The following TCF7L2 variants were observed in gnomAD, a reference collection of about 807,000 sequenced individuals.
TCF7L2 encodes the protein transcription factor 7 like 2, also known as transcription factor 7-like 2.
In TCF7L2, 23 loss-of-function variants were observed where a neutral mutation model predicts 77.9. The observed-to-expected ratio is 0.30, with a 90% confidence interval of 0.21 to 0.42. The LOEUF (loss-of-function observed/expected upper bound fraction) is 0.42, where lower values mean the gene tolerates loss of function less well. Among genes scored for constraint, TCF7L2 ranks in the 10% least tolerant of loss-of-function variants. The pLI, the probability that TCF7L2 is intolerant of heterozygous loss-of-function variation, is 1.00. For missense variants in TCF7L2, 654 were observed against 793.1 expected, an observed-to-expected ratio of 0.82 and a Z score of 2.11; for synonymous variants, 413 against 340.2, an observed-to-expected ratio of 1.21 and a Z score of -2.36.
intron 5 of TCF7L2, among the ~76,000 whole-genome samples, chr10:113,070,059 C>T (rs555852107): frequency 1.6e-4 from 24 of 151,878 alleles, no homozygotes; most frequent in Middle Eastern, 3.4e-3. Flanking sequence ...AGATCAAGAC[C>T]AGCCTGGCCA....
chr10:113,113,540 G>C (rs922049245), intron 5 of TCF7L2, among the ~76,000 whole-genome samples: 1 of 152,150 alleles, frequency 6.6e-6, no homozygotes, highest in Admixed American at 6.5e-5. Context: ...CCTTCACCTA[G>C]AAGGAGATGT....
At chr10:113,155,755 C>T (rs184561360) in intron 11 of TCF7L2, among the ~76,000 whole-genome samples, 42 of 152,292 alleles carry the variant, frequency 2.8e-4, no homozygotes, top group African/African-American at 1.0e-3. Flanking sequence ...CTAAATGAAC[C>T]GAAACTAGGC....
At chr10:113,062,649 T>G (rs1220229004) in intron 5 of TCF7L2, among the ~76,000 whole-genome samples, 1 of 152,162 alleles carries the variant, frequency 6.6e-6, no homozygotes, top group African/African-American at 2.4e-5. Flanking sequence ...AGTTTAGTCT[T>G]TCTAGGCCAG....
rs1216878382 is a variant in TCF7L2 at position 113,165,882 on chromosome 10, A to T, written c.1719A>T (p.Ala573=). ...CTGCCGCCCCCTCCTCATCAATTGC[A>T]CAGCCGTCGACTTCTTCCTTACATT... Residue 573 remains alanine, a synonymous_variant, in exon 14 of 14, where the codon GCA becomes GCT. Coordinates refer to ENST00000627217, the MANE Select transcript of TCF7L2 (RefSeq NM_001146274.2). The T allele has an allele frequency of 6.2e-7, 1 of 1,602,630 alleles. No homozygotes were observed. The highest frequency in any genetic ancestry group is 8.5e-7 in the Non-Finnish European group (1 of 1,173,974).
intron 7 of TCF7L2, among the ~76,000 whole-genome samples, chr10:113,145,758 G>A (rs146147584): frequency 1.3e-5 from 2 of 152,194 alleles, no homozygotes; most frequent in Admixed American, 1.3e-4. Flanking sequence ...CCTAGTTTCA[G>A]CTTGGGGAGA....
At chr10:113,144,921 T>A (rs184599408) in intron 7 of TCF7L2, among the ~76,000 whole-genome samples, 52 of 152,326 alleles carry the variant, frequency 3.4e-4, no homozygotes, top group Admixed American at 9.8e-4. Flanking sequence ...GTGGATGTAT[T>A]TCTCCTTACC....
intron 3 of TCF7L2, among the ~76,000 whole-genome samples, chr10:112,954,813 C>T (rs1329126979): frequency 2.6e-5 from 4 of 152,168 alleles, no homozygotes. Flanking sequence ...CTTGCATCTT[C>T]TCTTATCCAA....
chr10:112,983,975 T>C (rs1267952971), intron 4 of TCF7L2, among the ~76,000 whole-genome samples: 1 of 152,234 alleles, frequency 6.6e-6, no homozygotes, highest in Non-Finnish European at 1.5e-5. Context: ...AAGACATAAC[T>C]TCGATTCTCC....
chr10:113,101,773 G>A (rs965727264), intron 5 of TCF7L2, among the ~76,000 whole-genome samples: 6 of 143,722 alleles, frequency 4.2e-5, no homozygotes, highest in Admixed American at 1.5e-4. Context: ...AACCCAGGAC[G>A]GGGAGCTTGC....
intron 5 of TCF7L2, among the ~76,000 whole-genome samples, chr10:113,063,682 C>T (rs921691371): frequency 6.6e-6 from 1 of 152,148 alleles, no homozygotes; most frequent in Admixed American, 6.5e-5. Context: ...TCTGTTGAAA[C>T]CCCCACACCC....
At chr10:112,968,831 G>A (rs2037598703) in intron 4 of TCF7L2, among the ~76,000 whole-genome samples, 1 of 152,054 alleles carries the variant, frequency 6.6e-6, no homozygotes, top group South Asian at 2.1e-4. Flanking sequence ...CGGCCATTTG[G>A]CCTCCCAAAG....
At chr10:113,009,003 G>A (rs928590990) in intron 4 of TCF7L2, among the ~76,000 whole-genome samples, 13 of 152,062 alleles carry the variant, frequency 8.5e-5, no homozygotes, top group African/African-American at 2.7e-4. Context: ...GCACAGTGGC[G>A]CAATCCACTG....
At chr10:112,957,502 G>A (rs1589653992) in intron 3 of TCF7L2, among the ~76,000 whole-genome samples, 1 of 152,082 alleles carries the variant, frequency 6.6e-6, no homozygotes, top group African/African-American at 2.4e-5. Flanking sequence ...ATCTGCGGGA[G>A]GAGGCACAGA....
intron 3 of TCF7L2, among the ~76,000 whole-genome samples, chr10:112,960,148 A>G (rs535794473): frequency 2.0e-5 from 3 of 152,324 alleles, no homozygotes; most frequent in East Asian, 3.9e-4. Context: ...GAGGATTTCA[A>G]TTGTTTTAAT....
chr10:112,975,293 C>T (rs1325866179), intron 4 of TCF7L2, among the ~76,000 whole-genome samples: 6 of 151,970 alleles, frequency 3.9e-5, no homozygotes, highest in Admixed American at 2.6e-4. Context: ...TACCACATTC[C>T]ACCCAGATTG....
chr10:113,080,504 T>G (rs902269686), intron 5 of TCF7L2, among the ~76,000 whole-genome samples: 6 of 152,226 alleles, frequency 3.9e-5, no homozygotes, highest in African/African-American at 1.4e-4. Flanking sequence ...AAGTCTTTTT[T>G]CAAGTTTCCT....
At chr10:113,005,787 GA>G (rs199792399) in intron 4 of TCF7L2, among the ~76,000 whole-genome samples, 1 of 150,888 alleles carries the variant, frequency 6.6e-6, no homozygotes, top group Non-Finnish European at 1.5e-5. Flanking sequence ...AGGAAGGAAA[GA>G]AAAAAAAATA....
chr10:113,070,265 A>G (rs972798358), intron 5 of TCF7L2, among the ~76,000 whole-genome samples: 47 of 78,604 alleles, frequency 6.0e-4, no homozygotes, highest in Non-Finnish European at 4.8e-4. Flanking sequence ...AAAAAAAAAA[A>G]AATTTATATA....
At chr10:113,026,189 C>T (rs554199106) in intron 4 of TCF7L2, among the ~76,000 whole-genome samples, 11 of 140,952 alleles carry the variant, frequency 7.8e-5, no homozygotes, top group African/African-American at 2.7e-4. Flanking sequence ...TACCCCCTGT[C>T]GCCCAGGCTG....
Sources: gnomAD v4.1 joint callset for allele counts (sites outside exome capture counted in the v4.1 genomes callset) on GRCh38, gnomAD v4.1.1 for gene constraint, MANE v1.5 for transcripts, NCBI Gene and HGNC (gene_info 2026-07-23, HGNC 2026-07-21) for gene names.